ZMAT2: variants seen among roughly 807,000 people sequenced by gnomAD.
ZMAT2 encodes the protein zinc finger matrin-type 2, also known as zinc finger matrin-type protein 2.
ZMAT2 carries 5 observed loss-of-function variants against 27.5 expected under a neutral mutation model. That is an observed-to-expected ratio of 0.18 (90% CI 0.10 to 0.38). ZMAT2 has a LOEUF of 0.38. Ranked by LOEUF, ZMAT2 falls within the 10% of genes least tolerant of loss-of-function variation. The pLI is 1.00. For missense variants in ZMAT2, 124 were observed against 243.9 expected, an observed-to-expected ratio of 0.51 and a Z score of 3.27; for synonymous variants, 76 against 78.6, an observed-to-expected ratio of 0.97 and a Z score of 0.17.
chr5:140,703,267 G>T (rs1377559168), intron 3 of ZMAT2, among the ~76,000 whole-genome samples: 2 of 143,866 alleles, frequency 1.4e-5, no homozygotes, highest in Admixed American at 1.4e-4. Context: ...CTGAGACAGA[G>T]TTTCACTCTT....
chr5:140,701,881 G>T, intron 2 of ZMAT2, 125 bp from the exon 3 acceptor site: 2 of 1,206,980 alleles, frequency 1.7e-6, no homozygotes, highest in South Asian at 3.3e-5. Context: ...TTAAGTGTCT[G>T]TTGTGTCCTT....
In ZMAT2 at chr5:140,700,971, G is replaced by GC. The variant is rs568216606; in HGVS notation, c.112+60dup. 219 of 1,560,470 alleles carry GC rather than the reference G, an allele frequency of 1.4e-4. 4 individuals are homozygous for GC. The South Asian group carries it at 2.3e-3, about 17-fold the overall frequency. ...CACAGAGGCGATGCGATGATGGAGA[G>GC]CGGGTGGGAGTTGAAGTGCGCTGCC... On this transcript the variant is annotated intron_variant, in intron 2 of 5. Coordinates refer to ENST00000274712, the MANE Select transcript of ZMAT2 (RefSeq NM_144723.3).
At chr5:140,701,765 A>G (rs1473591892) in intron 2 of ZMAT2, among the ~76,000 whole-genome samples, 1 of 152,358 alleles carries the variant, frequency 6.6e-6, no homozygotes, top group East Asian at 1.9e-4. Flanking sequence ...CAATGAATAT[A>G]AAACATACTG....
At chr5:140,704,349 A>G in intron 4 of ZMAT2, 77 bp from the exon 5 acceptor site, 1 of 1,523,520 alleles carries the variant, frequency 6.6e-7, no homozygotes, top group South Asian at 1.3e-5. Context: ...GAGATGTCAG[A>G]GAAGTCAGGA....
chr5:140,700,892 A>AAG lies in ZMAT2; in HGVS notation c.100_101dup (p.Lys36ArgfsTer55). ...AAACTCGCCGAGAAGAGGCTCACGG[A>AAG]AGAGAGAGAAAAGAAAGATGGTGGG... On this transcript the variant is annotated frameshift_variant, in exon 2 of 6. Coordinates refer to ENST00000274712, the MANE Select transcript of ZMAT2 (RefSeq NM_144723.3). LOFTEE classifies it high-confidence loss of function. The AAG allele has an allele frequency of 6.2e-7, 1 of 1,614,092 alleles. No homozygotes were observed. The highest frequency in any genetic ancestry group is 1.1e-5 in the South Asian group (1 of 91,072).
chr5:140,705,524 T>C (rs919769688), intron 5 of ZMAT2, 89 bp from the exon 6 acceptor site: 27 of 1,458,278 alleles, frequency 1.9e-5, no homozygotes, highest in African/African-American at 1.9e-4. Context: ...ATTTCTGGCA[T>C]GTACTGCATG....
intron 4 of ZMAT2, 26 bp from the exon 5 acceptor site, chr5:140,704,400 C>T (rs201719500): frequency 2.5e-6 from 4 of 1,587,826 alleles, no homozygotes; most frequent in Non-Finnish European, 3.4e-6. Context: ...AATGAACTTG[C>T]CTTCTTCACT....
Position 140,700,489 on chromosome 5 carries a change from T to G in ZMAT2, c.18+11T>G, listed in dbSNP as rs1282947013. On this transcript the variant is annotated intron_variant, in intron 1 of 5. Coordinates refer to ENST00000274712, the MANE Select transcript of ZMAT2 (RefSeq NM_144723.3). ...GCGTCGGGCAGCGGGGTAGGTGTTG[T>G]GTCTGAGGAGGAGGTTTTGCGGGGT... The G allele has an allele frequency of 1.5e-5, 25 of 1,612,962 alleles. No homozygotes were observed. The highest frequency in any genetic ancestry group is 1.9e-4 in the Middle Eastern group (1 of 5,262).
chr5:140,705,467 A>G, intron 5 of ZMAT2, 146 bp from the exon 6 acceptor site: 1 of 950,166 alleles, frequency 1.1e-6, no homozygotes, highest in Admixed American at 3.0e-5. Flanking sequence ...TTTGTGCCTC[A>G]ATATCCCCAT....
Position 140,705,995 on chromosome 5 carries a change from C to T in ZMAT2, c.*239C>T, listed in dbSNP as rs1039594999. Reference sequence around the variant, plus strand: ...GTATCACTGGAGTCACAGGACCCTGCCCACCTGAGTTCCCAATAAAGAAAA... The same window carrying T: ...GTATCACTGGAGTCACAGGACCCTGTCCACCTGAGTTCCCAATAAAGAAAA... On this transcript the variant is annotated 3_prime_UTR_variant, in exon 6 of 6. Transcript: ENST00000274712. The T allele has an allele frequency of 2.5e-5, 11 of 440,740 alleles. No homozygotes were observed. Among genetic ancestry groups the T allele is most frequent in the African/African-American group, 2.0e-4 (10 of 50,622 alleles). The allele number at this position is 440,740 out of a possible 1,614,324, so 27.3% of individuals were successfully genotyped here.
chr5:140,705,669 T>C lies in ZMAT2; in HGVS notation c.513T>C (p.Ala171=). Residue 171 remains alanine, a synonymous_variant, in exon 6 of 6, where the codon GCT becomes GCC. Coordinates refer to ENST00000274712, the MANE Select transcript of ZMAT2 (RefSeq NM_144723.3). The part of the protein sequence containing the change: ...KEKQKEKKRR[A]EEDLTFEEDD... Reference sequence around the variant, plus strand: ...AACAGAAGGAGAAGAAAAGGAGGGCTGAGGAGGACTTGACATTTGAGGAGG... The same window carrying C: ...AACAGAAGGAGAAGAAAAGGAGGGCCGAGGAGGACTTGACATTTGAGGAGG... 1 of 1,614,058 alleles carries C rather than the reference T, an allele frequency of 6.2e-7. No homozygotes were observed. Among genetic ancestry groups the C allele is most frequent in the Non-Finnish European group, 8.5e-7 (1 of 1,179,996 alleles).
chr5:140,701,009 G>GT (rs1404374671), intron 2 of ZMAT2, 97 bp downstream of exon 2: 2 of 1,215,060 alleles, frequency 1.6e-6, no homozygotes, highest in Non-Finnish European at 2.3e-6. Flanking sequence ...CCCACGCGGT[G>GT]TAAGCTCTGG....
chr5:140,703,985 A>G lies in ZMAT2; in HGVS notation c.304A>G (p.Lys102Glu). 6.2e-7 allele frequency: 1 copy of G among 1,614,100 alleles called. No individual in the cohort carries two copies. Among genetic ancestry groups the G allele is most frequent in the Non-Finnish European group, 8.5e-7 (1 of 1,179,962 alleles). The change falls in exon 4 of 6, where the codon AAG (lysine) becomes GAG (glutamate). Residue 102 changes from lysine (K) to glutamate (E), a missense_variant. By Grantham distance (56) the Lys-to-Glu change is moderately conservative (BLOSUM62 1). Transcript: ENST00000274712. ...CAACTTTCTGGATCACATTAATGGA[A>G]AGAAACGTAAGGCTTGGAGGTAGCT... is the stretch of plus-strand genomic sequence containing the variant. Reference protein sequence around the residue: ...SINFLDHINGKKHQRNLGMSM... With the variant: ...SINFLDHINGEKHQRNLGMSM...
chr5:140,703,212 CTTTCTTTTTTCTT>C (rs1301359309), intron 3 of ZMAT2, among the ~76,000 whole-genome samples: 109 of 150,990 alleles, frequency 7.2e-4, no homozygotes, highest in African/African-American at 2.0e-3. Context: ...CCCCATAGAC[CTTTCTTTTTTCTT>C]TTTCTTTTTT....
chr5:140,702,158 G>T, intron 3 of ZMAT2, 29 bp downstream of exon 3: 1 of 1,606,026 alleles, frequency 6.2e-7, no homozygotes, highest in Non-Finnish European at 8.5e-7. Flanking sequence ...TTCCTCTGCA[G>T]CCAAGAATGC....
At chr5:140,700,537 A>AAT in intron 1 of ZMAT2, 59 bp downstream of exon 1, 1 of 1,610,782 alleles carries the variant, frequency 6.2e-7, no homozygotes, top group Non-Finnish European at 8.5e-7. Context: ...TTCAGACCTG[A>AAT]ATAGAGACAA....
At chr5:140,702,670 T>C (rs954453759) in intron 3 of ZMAT2, among the ~76,000 whole-genome samples, 10 of 152,170 alleles carry the variant, frequency 6.6e-5, no homozygotes, top group African/African-American at 1.9e-4. Flanking sequence ...AGAAATTAGG[T>C]GGAGCTAGAA....
chr5:140,704,944 A>G (rs1167183846), intron 5 of ZMAT2, among the ~76,000 whole-genome samples: 2 of 152,168 alleles, frequency 1.3e-5, no homozygotes, highest in Non-Finnish European at 2.9e-5. Flanking sequence ...ACTGTAGTTT[A>G]GCCTAGCCTA....
chr5:140,704,375 G>A (rs746134704), intron 4 of ZMAT2, 51 bp from the exon 5 acceptor site: 1 of 1,559,342 alleles, frequency 6.4e-7, no homozygotes, highest in Non-Finnish European at 8.7e-7. Context: ...ATTTTTGAGG[G>A]GCTGAGGATG....
Sources: allele counts gnomAD v4.1 joint callset (sites outside exome capture counted in the v4.1 genomes callset), GRCh38; gene constraint gnomAD v4.1.1; transcripts MANE v1.5; gene names NCBI Gene and HGNC (gene_info 2026-07-23, HGNC 2026-07-21).